TNPO1: variants seen among roughly 807,000 people sequenced by gnomAD.
TNPO1 encodes transportin 1.
Under a neutral mutation model 119.5 loss-of-function variants are expected in TNPO1, and 8 were observed. That is an observed-to-expected ratio of 0.07 (90% CI 0.04 to 0.12). TNPO1 has a LOEUF of 0.12. TNPO1 is among the 10% of genes least tolerant of loss of function. The pLI, the probability that TNPO1 is intolerant of heterozygous loss-of-function variation, is 1.00. For synonymous variants in TNPO1, 362 were observed against 363.0 expected (o/e 1.00, Z 0.03); for missense variants, 576 against 1,089.8 (o/e 0.53, Z 6.64).
chr5:72,818,374 T>G (rs1047558692), intron 1 of TNPO1, among the ~76,000 whole-genome samples: 1 of 152,252 alleles, frequency 6.6e-6, no homozygotes, highest in Admixed American at 6.5e-5. Flanking sequence ...TCTTATTGTA[T>G]TCATTGTTTT....
At chr5:72,871,514 TAATG>T (rs762339252) in intron 6 of TNPO1, among the ~76,000 whole-genome samples, 2 of 152,170 alleles carry the variant, frequency 1.3e-5, no homozygotes, top group Non-Finnish European at 1.5e-5. Context: ...ACAGGACAGA[TAATG>T]AATAAGTAAT....
intron 5 of TNPO1, among the ~76,000 whole-genome samples, chr5:72,864,923 A>G (rs1446629852): frequency 1.3e-5 from 2 of 152,080 alleles, no homozygotes; most frequent in African/African-American, 2.4e-5. Flanking sequence ...TAACTTTTTA[A>G]TGGTATTAAT....
chr5:72,847,350 A>G (rs1745174552), intron 1 of TNPO1, among the ~76,000 whole-genome samples: 1 of 152,212 alleles, frequency 6.6e-6, no homozygotes, highest in Non-Finnish European at 1.5e-5. Flanking sequence ...ATTTAGTTTT[A>G]GTGAAAAATG....
intron 6 of TNPO1, among the ~76,000 whole-genome samples, chr5:72,868,431 C>CAAAAAAAAAAAAAAAAAAAAAAAAAA (rs200691585): frequency 3.7e-5 from 1 of 27,058 alleles, no homozygotes; most frequent in Non-Finnish European, 7.0e-5. Flanking sequence ...GACTCCGTCT[C>CAAAAAAAAAAAAAAAAAAAAAAAAAA]AAAAAAAAAA....
chr5:72,897,649 G>A (rs1333817567), intron 20 of TNPO1, among the ~76,000 whole-genome samples: 3 of 147,532 alleles, frequency 2.0e-5, no homozygotes, highest in Non-Finnish European at 4.5e-5. Flanking sequence ...TTTTTTTTTA[G>A]GAAGCTTGTT....
intron 1 of TNPO1, chr5:72,848,041 G>A (rs1377574724): frequency 2.9e-6 from 3 of 1,042,548 alleles, no homozygotes; most frequent in Admixed American, 1.1e-4. Flanking sequence ...GAGATGGGTT[G>A]GGTTGGAGAA....
At chr5:72,861,986 TG>T (rs1351053986) in intron 5 of TNPO1, 72 bp downstream of exon 5, 1 of 1,157,850 alleles carries the variant, frequency 8.6e-7, no homozygotes, top group Non-Finnish European at 1.3e-6. Flanking sequence ...TAGCAGCTTT[TG>T]GGAAAAATAG....
chr5:72,862,750 AT>A (rs1459126786), intron 5 of TNPO1, among the ~76,000 whole-genome samples: 1 of 151,990 alleles, frequency 6.6e-6, no homozygotes, highest in Non-Finnish European at 1.5e-5. Flanking sequence ...GAATCAAGTG[AT>A]TCTCCCACCT....
At chr5:72,842,261 G>A (rs1172134420) in intron 1 of TNPO1, among the ~76,000 whole-genome samples, 1 of 152,112 alleles carries the variant, frequency 6.6e-6, no homozygotes, top group Non-Finnish European at 1.5e-5. Flanking sequence ...TAGTTTCCCA[G>A]TTTATGGAGA....
At chr5:72,880,813 T>C (rs1748185261) in intron 9 of TNPO1, among the ~76,000 whole-genome samples, 2 of 95,448 alleles carry the variant, frequency 2.1e-5, no homozygotes, top group African/African-American at 3.7e-5. Context: ...CAAGACTCCA[T>C]CTCAAAAAAA....
At position 72,877,264 on chromosome 5, in the gene TNPO1, G is replaced by A; in HGVS notation, c.838G>A (p.Val280Met). 6.2e-7 allele frequency: 1 copy of A among 1,612,656 alleles called. No individual in the cohort carries two copies. Among genetic ancestry groups the A allele is most frequent in the South Asian group, 1.1e-5 (1 of 90,970 alleles). The change falls in exon 9 of 25, where the codon GTG becomes ATG. Residue 280 changes from valine (V) to methionine (M), a missense_variant. By Grantham distance (21) the Val-to-Met change is conservative. Coordinates refer to ENST00000337273, the MANE Select transcript of TNPO1 (RefSeq NM_002270.4). ...LQRTQDQDEN[V>M]ALEACEFWLT... is the part of the protein sequence containing the mutation. ...GAGGACTCAAGATCAAGATGAAAAT[G>A]TGGCTTTAGAAGCCTGTGAATTTTG...
intron 9 of TNPO1, among the ~76,000 whole-genome samples, chr5:72,881,675 A>G (rs912230746): frequency 1.3e-5 from 2 of 152,138 alleles, no homozygotes; most frequent in African/African-American, 4.8e-5. Context: ...ATATTCTCTT[A>G]ATTCACTTTG....
chr5:72,882,309 T>G (rs1748303599), intron 9 of TNPO1, among the ~76,000 whole-genome samples, 158 bp from the exon 10 acceptor site: 1 of 152,246 alleles, frequency 6.6e-6, no homozygotes, highest in Admixed American at 6.5e-5. Context: ...TTAGCGTTTC[T>G]TCAGTTAATG....
At chr5:72,850,084 A>G (rs1440525932) in intron 2 of TNPO1, among the ~76,000 whole-genome samples, 1 of 152,182 alleles carries the variant, frequency 6.6e-6, no homozygotes, top group Non-Finnish European at 1.5e-5. Context: ...GAGGAAAACT[A>G]CTTTAGCTAA....
chr5:72,888,315 T>G lies in TNPO1; in HGVS notation c.1529+12T>G. On this transcript the variant is annotated intron_variant, in intron 13 of 24. Coordinates refer to ENST00000337273, the MANE Select transcript of TNPO1 (RefSeq NM_002270.4). ...GAAGCTGCCTGCAGGTGGGACAGAT[T>G]CATAACACAGTGTTCTTTGTGGCAG... 6.2e-7 allele frequency: 1 copy of G among 1,607,784 alleles called. No individual in the cohort carries two copies. The highest frequency in any genetic ancestry group is 8.5e-7 in the Non-Finnish European group (1 of 1,174,412).
intron 3 of TNPO1, among the ~76,000 whole-genome samples, chr5:72,855,203 C>G (rs1042867192): frequency 3.3e-5 from 5 of 151,886 alleles, no homozygotes; most frequent in Non-Finnish European, 7.4e-5. Flanking sequence ...ACCATGTAGG[C>G]CGGTCTGGTC....
chr5:72,889,833 A>G lies in TNPO1; in HGVS notation c.1577A>G (p.Tyr526Cys). The change falls in exon 14 of 25, where the codon TAC (tyrosine) becomes TGC (cysteine). Residue 526 changes from tyrosine (Y) to cysteine (C), a missense_variant. Transcript: ENST00000337273. ...GAGGCTTGTACAGAACTTGTTCCTT[A>G]CCTTGCTTATATACTTGATACCCTG... is the stretch of plus-strand genomic sequence containing the variant. ...EEEACTELVP[Y>C]LAYILDTLVF... The G allele has an allele frequency of 6.2e-7, 1 of 1,612,330 alleles. No individual in the cohort carries two copies.
At chr5:72,904,489 C>T (rs1173449391) in intron 23 of TNPO1, among the ~76,000 whole-genome samples, 1 of 152,070 alleles carries the variant, frequency 6.6e-6, no homozygotes, top group Non-Finnish European at 1.5e-5. Context: ...TCCATATTCA[C>T]GCTGCTGATA....
Position 72,868,452 on chromosome 5 carries a change from A to AAC in TNPO1, c.596+2724_596+2725insCA, listed in dbSNP as rs1554052267. On this transcript the variant is annotated intron_variant, in intron 6 of 24. Coordinates refer to ENST00000337273, the MANE Select transcript of TNPO1 (RefSeq NM_002270.4). ...GTCTCAAAAAAAAAAAAAAAAAAAA[A>AAC]AAAAAAACACAAAATAATATATCAG... Among the ~76,000 whole-genome samples, 63 of 147,878 alleles carry AAC rather than the reference A, an allele frequency of 4.3e-4. 1 individual carries two copies. In the East Asian group the frequency reaches 4.4e-3, roughly 10 times the overall value.
Sources: gnomAD v4.1 joint callset for allele counts (sites outside exome capture counted in the v4.1 genomes callset) on GRCh38, gnomAD v4.1.1 for gene constraint, MANE v1.5 for transcripts, NCBI Gene and HGNC (gene_info 2026-07-23, HGNC 2026-07-21) for gene names.